Variants in PPARGC1A observed in about 807,000 individuals in gnomAD.
PPARGC1A encodes the protein PPARG coactivator 1 alpha.
Under a neutral mutation model 88.7 loss-of-function variants are expected in PPARGC1A, and 25 were observed. That is an observed-to-expected ratio of 0.28 (90% CI 0.21 to 0.39). PPARGC1A has a LOEUF of 0.39. PPARGC1A is among the 10% of genes least tolerant of loss of function. The pLI is 1.00. For missense variants in PPARGC1A, 880 were observed against 968.7 expected (o/e 0.91, Z 1.22); for synonymous variants, 363 against 355.6 (o/e 1.02, Z -0.24).
intron 2 of PPARGC1A, among the ~76,000 whole-genome samples, chr4:23,879,784 C>G (rs1245078110): frequency 2.0e-5 from 3 of 152,148 alleles, no homozygotes; most frequent in African/African-American, 7.2e-5. Flanking sequence ...TGTTGATCTG[C>G]TAAAAAATCT....
chr4:24,026,905 C>T, the PPARGC1A span, among the ~76,000 whole-genome samples: 6 of 152,126 alleles, frequency 3.9e-5, no homozygotes, highest in Admixed American at 3.3e-4. Context: ...TTAAATTGCT[C>T]TGTTGGGCCT....
chr4:24,282,601 T>C, the PPARGC1A span, among the ~76,000 whole-genome samples: 1 of 152,382 alleles, frequency 6.6e-6, no homozygotes, highest in East Asian at 1.9e-4. Flanking sequence ...TCTGAACATT[T>C]CTTACTCAGT....
the PPARGC1A span, among the ~76,000 whole-genome samples, chr4:24,036,761 G>A: frequency 6.6e-6 from 1 of 152,088 alleles, no homozygotes; most frequent in Non-Finnish European, 1.5e-5. Context: ...GGGGAACAAG[G>A]GAAACTTCTG....
the PPARGC1A span, among the ~76,000 whole-genome samples, chr4:24,167,844 C>A: frequency 2.6e-5 from 4 of 152,154 alleles, no homozygotes; most frequent in African/African-American, 7.2e-5. Context: ...ACCTCCACCC[C>A]CTGGGCTCAA....
chr4:24,414,942 C>T, the PPARGC1A span, among the ~76,000 whole-genome samples: 1 of 152,142 alleles, frequency 6.6e-6, no homozygotes, highest in Admixed American at 6.5e-5. Context: ...GTAATCCCAA[C>T]ACTTTGGGAG....
chr4:24,124,474 CCAACA>C, the PPARGC1A span, among the ~76,000 whole-genome samples: 2 of 152,140 alleles, frequency 1.3e-5, no homozygotes, highest in African/African-American at 4.8e-5. Flanking sequence ...CCTATTGGTG[CCAACA>C]CACACTTTAT....
chr4:24,294,994 G>A, the PPARGC1A span, among the ~76,000 whole-genome samples: 6 of 152,158 alleles, frequency 3.9e-5, no homozygotes, highest in African/African-American at 9.7e-5. Context: ...GTAGGGAGGC[G>A]GTTTCATGGG....
At chr4:24,274,374 G>C in the PPARGC1A span, among the ~76,000 whole-genome samples, 2 of 152,058 alleles carry the variant, frequency 1.3e-5, no homozygotes, top group South Asian at 4.2e-4. Context: ...GTAAAGCAGA[G>C]GCCAGCAAAC....
chr4:24,044,652 G>A, the PPARGC1A span, among the ~76,000 whole-genome samples: 3 of 152,110 alleles, frequency 2.0e-5, no homozygotes, highest in African/African-American at 7.2e-5. Context: ...TATACATTCA[G>A]CTTGCAGAAC....
At chr4:24,455,541 A>G in the PPARGC1A span, among the ~76,000 whole-genome samples, 1 of 152,244 alleles carries the variant, frequency 6.6e-6, no homozygotes, top group African/African-American at 2.4e-5. Flanking sequence ...ATTGGAAACA[A>G]TGAGTATAAC....
chr4:24,059,633 C>T, the PPARGC1A span, among the ~76,000 whole-genome samples: 1 of 152,184 alleles, frequency 6.6e-6, no homozygotes, highest in Non-Finnish European at 1.5e-5. Flanking sequence ...CTGTGTCTAT[C>T]ACACATTCTT....
chr4:24,171,841 C>T, the PPARGC1A span, among the ~76,000 whole-genome samples: 2 of 152,200 alleles, frequency 1.3e-5, no homozygotes, highest in Non-Finnish European at 1.5e-5. Context: ...AGTCACCTTA[C>T]ATATTGAAAG....
the PPARGC1A span, among the ~76,000 whole-genome samples, chr4:24,111,765 T>C: frequency 5.4e-3 from 820 of 152,300 alleles, 8 homozygotes; most frequent in African/African-American, 0.019. Context: ...GAATGTTTAA[T>C]GATAGTTCTT....
chr4:23,945,680 G>A, the PPARGC1A span, among the ~76,000 whole-genome samples: 1 of 152,148 alleles, frequency 6.6e-6, no homozygotes, highest in Non-Finnish European at 1.5e-5. Context: ...GGAAGCCAGG[G>A]GCAGATAGTG....
the PPARGC1A span, among the ~76,000 whole-genome samples, chr4:24,287,585 C>G: frequency 6.6e-6 from 1 of 150,978 alleles, no homozygotes. Flanking sequence ...TGCCCTGATA[C>G]AGAACCAAGA....
the PPARGC1A span, among the ~76,000 whole-genome samples, chr4:24,254,274 A>G: frequency 6.6e-6 from 1 of 152,298 alleles, no homozygotes; most frequent in African/African-American, 2.4e-5. Flanking sequence ...TTTGACAGGT[A>G]AGAAAATATG....
upstream of PPARGC1A, among the ~76,000 whole-genome samples, chr4:23,908,827 T>C (rs1047720457): frequency 1.2e-4 from 19 of 152,214 alleles, no homozygotes; most frequent in African/African-American, 4.3e-4. Context: ...CAAAGCTCTC[T>C]ACACATGGGT....
chr4:24,416,621 C>T, the PPARGC1A span, among the ~76,000 whole-genome samples: 5 of 152,194 alleles, frequency 3.3e-5, no homozygotes, highest in South Asian at 4.2e-4. Flanking sequence ...GGCCCAGGAA[C>T]GCAAATATCT....
At chr4:24,228,481 G>A in the PPARGC1A span, among the ~76,000 whole-genome samples, 2 of 152,130 alleles carry the variant, frequency 1.3e-5, no homozygotes, top group Non-Finnish European at 1.5e-5. Flanking sequence ...AATGGACACT[G>A]AGGACTATCA....
Sources: gnomAD v4.1 joint callset for allele counts (sites outside exome capture counted in the v4.1 genomes callset) on GRCh38, gnomAD v4.1.1 for gene constraint, MANE v1.5 for transcripts, NCBI Gene and HGNC (gene_info 2026-07-23, HGNC 2026-07-21) for gene names.